The following SMIM21 variants were observed in gnomAD, a reference collection of about 807,000 sequenced individuals.
The protein encoded by SMIM21 is small integral membrane protein 21.
A neutral mutation model predicts 8.6 loss-of-function variants in SMIM21; 8 were observed. The observed-to-expected ratio is 0.93, with a 90% confidence interval of 0.55 to 1.68. SMIM21 has a LOEUF of 1.68. Ranked by LOEUF, SMIM21 falls within the 40% of genes most tolerant of loss-of-function variation. The pLI is 0.00. For missense variants in SMIM21, 132 were observed against 123.0 expected (o/e 1.07, Z -0.35); for synonymous variants, 43 against 41.7 (o/e 1.03, Z -0.12).
chr18:75,420,748 T>C (rs752600846), intron 1 of SMIM21, among the ~76,000 whole-genome samples: 2 of 152,152 alleles, frequency 1.3e-5, no homozygotes, highest in Non-Finnish European at 2.9e-5. Flanking sequence ...ATCTGGGCAT[T>C]AACACAATAA....
At chr18:75,424,770 T>C (rs969462703) in intron 1 of SMIM21, among the ~76,000 whole-genome samples, 2 of 152,208 alleles carry the variant, frequency 1.3e-5, no homozygotes, top group Non-Finnish European at 2.9e-5. Flanking sequence ...TTCTTTCTTA[T>C]TTAAAATGTC....
intron 1 of SMIM21, 75 bp from the exon 2 acceptor site, chr18:75,418,991 CT>C: frequency 1.2e-6 from 1 of 830,732 alleles, no homozygotes; most frequent in Non-Finnish European, 1.9e-6. Context: ...GCAGCTAACT[CT>C]TTGTCAAACA....
At chr18:75,411,589 T>C (rs2024585627) in intron 2 of SMIM21, among the ~76,000 whole-genome samples, 1 of 152,198 alleles carries the variant, frequency 6.6e-6, no homozygotes. Flanking sequence ...AGGGGTGGCT[T>C]TGCCTCACTG....
chr18:75,410,185 T>G lies in SMIM21; in HGVS notation c.*679A>C, dbSNP rs182839084. On this transcript the variant is annotated 3_prime_UTR_variant, in exon 3 of 3. Transcript: ENST00000579022. ...CGACTTGTTGCCCGTCTTCAGACAGTGCTCCATCCTAAATCATTTGATAAT... is the reference window on the plus strand; with the variant it reads ...CGACTTGTTGCCCGTCTTCAGACAGGGCTCCATCCTAAATCATTTGATAAT... 1 of 152,808 alleles carries G rather than the reference T, an allele frequency of 6.5e-6. No homozygotes were observed. Among genetic ancestry groups the G allele is most frequent in the Non-Finnish European group, 1.5e-5 (1 of 68,052 alleles). 9.5% of individuals were successfully genotyped at this position (152,808 alleles called of 1,614,324 possible). A position where few individuals can be genotyped will look rare whatever the true frequency, so the allele number is the denominator to read the frequency against.
At chr18:75,427,213 G>A (rs1178816579) in intron 1 of SMIM21, among the ~76,000 whole-genome samples, 2 of 152,124 alleles carry the variant, frequency 1.3e-5, no homozygotes, top group Non-Finnish European at 2.9e-5. Flanking sequence ...TTCTGAAAGG[G>A]GCAGCTCTTC....
chr18:75,415,867 A>T (rs1348052085), intron 2 of SMIM21, among the ~76,000 whole-genome samples: 1 of 152,150 alleles, frequency 6.6e-6, no homozygotes, highest in East Asian at 1.9e-4. Context: ...TCCCCTATTG[A>T]TGGAAATTTG....
chr18:75,418,638 G>T, intron 2 of SMIM21, 148 bp downstream of exon 2: 1 of 673,934 alleles, frequency 1.5e-6, no homozygotes, highest in Non-Finnish European at 2.3e-6. Context: ...TAATTTGATA[G>T]CTACCCAGCA....
rs1257326441 is a variant in SMIM21, at chr18:75,414,102, C to CACACACAT, written c.261-3194_261-3193insATGTGTGT. Among the ~76,000 whole-genome samples, 236 of 137,906 alleles carry CACACACAT rather than the reference C, an allele frequency of 1.7e-3. 1 individual carries two copies. The highest frequency in any genetic ancestry group is 4.2e-3 in the African/African-American group (168 of 39,964). 90.5% of individuals were successfully genotyped at this position (137,906 alleles called of 152,430 possible). A position where few individuals can be genotyped will look rare whatever the true frequency, so the allele number is the denominator to read the frequency against. The stretch of plus-strand genomic sequence containing the variant: ...ACACACACACACACACACACATACA[C>CACACACAT]ACACACACACACACACACATACACA... On this transcript the variant is annotated intron_variant, in intron 2 of 2. Coordinates refer to ENST00000579022, the MANE Select transcript of SMIM21 (RefSeq NM_001037331.3).
At chr18:75,418,000 G>A in intron 2 of SMIM21, 3 of 388,052 alleles carry the variant, frequency 7.7e-6, no homozygotes, top group Non-Finnish European at 1.4e-5. Context: ...TTGTTTGCTT[G>A]TTTCAGTTTT....
intron 1 of SMIM21, 142 bp from the exon 2 acceptor site, chr18:75,419,058 A>G (rs2024682366): frequency 2.0e-6 from 1 of 506,096 alleles, no homozygotes; most frequent in Admixed American, 3.5e-5. Flanking sequence ...TTTCAGAAGT[A>G]AAACCAGAAC....
At chr18:75,421,293 G>A (rs772634499) in intron 1 of SMIM21, among the ~76,000 whole-genome samples, 2 of 152,168 alleles carry the variant, frequency 1.3e-5, no homozygotes, top group African/African-American at 4.8e-5. Context: ...ATATTAACAG[G>A]TTATTTTTAA....
At position 75,425,906 on chromosome 18, in the gene SMIM21, G is replaced by A. The variant is rs189081042; in HGVS notation, c.129+1529C>T. Reference sequence around the variant, plus strand: ...TATCTGTGTGCTCCCTGAGGTGGGGGCCCCTGCCTCTCCCATCTTTGCACT... The same window carrying A: ...TATCTGTGTGCTCCCTGAGGTGGGGACCCCTGCCTCTCCCATCTTTGCACT... On this transcript the variant is annotated intron_variant, in intron 1 of 2. Coordinates refer to ENST00000579022, the MANE Select transcript of SMIM21 (RefSeq NM_001037331.3). 8.2e-3 allele frequency among the ~76,000 whole-genome samples: 1,251 copies of A among 152,208 alleles called. 7 individuals carry two copies. Among genetic ancestry groups the A allele is most frequent in the Non-Finnish European group, 9.6e-3 (652 of 68,006 alleles).
At chr18:75,423,317 G>A (rs927292090) in intron 1 of SMIM21, among the ~76,000 whole-genome samples, 2 of 152,236 alleles carry the variant, frequency 1.3e-5, no homozygotes, top group African/African-American at 4.8e-5. Flanking sequence ...ATCAGTTAGA[G>A]AGGTTGTCCT....
intron 1 of SMIM21, among the ~76,000 whole-genome samples, chr18:75,423,299 C>G (rs1333051447): frequency 6.6e-6 from 1 of 152,160 alleles, no homozygotes; most frequent in East Asian, 1.9e-4. Context: ...TCTTAGTGTC[C>G]TAGAGAAATC....
At chr18:75,416,055 C>T (rs554734149) in intron 2 of SMIM21, 21 of 152,170 alleles carry the variant, frequency 1.4e-4, no homozygotes, top group Middle Eastern at 3.4e-3. Flanking sequence ...TTGTTAGATC[C>T]GTAAAAGTGA....
At chr18:75,423,385 G>C (rs1042237281) in intron 1 of SMIM21, among the ~76,000 whole-genome samples, 1 of 152,190 alleles carries the variant, frequency 6.6e-6, no homozygotes, top group African/African-American at 2.4e-5. Context: ...GAAAAACCTT[G>C]GAAACAGAGT....
At position 75,409,924 on chromosome 18, in the gene SMIM21, C is replaced by T. The variant is rs1387524036; in HGVS notation, c.*940G>A. 2.0e-5 allele frequency: 3 copies of T among 152,726 alleles called. No homozygotes were observed. The highest frequency in any genetic ancestry group is 7.2e-5 in the African/African-American group (3 of 41,466). The allele number at this position is 152,726 out of a possible 1,614,324, so 9.5% of individuals were successfully genotyped here. ...CACAGGCAACCTGGACGAATCCAGC[C>T]AGGCGGATAGAGCAGGGCTCACCTC... is the stretch of plus-strand genomic sequence containing the variant. On this transcript the variant is annotated 3_prime_UTR_variant, in exon 3 of 3. Coordinates refer to ENST00000579022, the MANE Select transcript of SMIM21 (RefSeq NM_001037331.3).
chr18:75,416,797 CTGGTGT>C, intron 2 of SMIM21: 1 of 49,746 alleles, frequency 2.0e-5, no homozygotes, highest in Non-Finnish European at 3.1e-5. Context: ...AACTTGGTGT[CTGGTGT>C]CTGTGCTGCT....
intron 1 of SMIM21, among the ~76,000 whole-genome samples, chr18:75,421,504 G>A (rs1233201041): frequency 6.6e-6 from 1 of 151,906 alleles, no homozygotes; most frequent in African/African-American, 2.4e-5. Context: ...AGCTGAGGAG[G>A]TGGTGTGTGC....
Sources: gnomAD v4.1 joint callset for allele counts (sites outside exome capture counted in the v4.1 genomes callset) on GRCh38, gnomAD v4.1.1 for gene constraint, MANE v1.5 for transcripts, NCBI Gene and HGNC (gene_info 2026-07-23, HGNC 2026-07-21) for gene names.